The following NEK11 variants were observed in gnomAD, a reference collection of about 807,000 sequenced individuals.
The protein encoded by NEK11 is serine/threonine-protein kinase Nek11.
A neutral mutation model predicts 80.7 loss-of-function variants in NEK11; 72 were observed. The ratio of observed to expected loss-of-function variants is 0.89; its 90% CI spans 0.74 to 1.08. The LOEUF (loss-of-function observed/expected upper bound fraction) is 1.08, where lower values mean the gene tolerates loss of function less well. Among genes scored for constraint, NEK11 ranks in the 50% least tolerant of loss-of-function variants. The pLI is 0.00. For synonymous variants in NEK11, 251 were observed against 260.7 expected, an observed-to-expected ratio of 0.96 and a Z score of 0.36; for missense variants, 764 against 763.6, an observed-to-expected ratio of 1.00 and a Z score of -0.01.
At chr3:131,236,646 C>T (rs1487232668) in intron 15 of NEK11, among the ~76,000 whole-genome samples, 1 of 152,196 alleles carries the variant, frequency 6.6e-6, no homozygotes, top group Non-Finnish European at 1.5e-5. Flanking sequence ...CTTATGGGAG[C>T]TGTGGGGGCT....
intron 3 of NEK11, among the ~76,000 whole-genome samples, chr3:131,034,589 TG>T (rs1327861957): frequency 6.6e-6 from 1 of 152,120 alleles, no homozygotes; most frequent in African/African-American, 2.4e-5. Context: ...TTAGTAGAGA[TG>T]GGGTTTCACC....
chr3:131,280,757 C>T (rs2096383496), intron 17 of NEK11, among the ~76,000 whole-genome samples: 1 of 152,122 alleles, frequency 6.6e-6, no homozygotes, highest in Non-Finnish European at 1.5e-5. Flanking sequence ...TTCTGTATTC[C>T]AATAAATAGC....
At chr3:131,038,896 T>G (rs1251010930) in intron 3 of NEK11, among the ~76,000 whole-genome samples, 1 of 152,232 alleles carries the variant, frequency 6.6e-6, no homozygotes, top group African/African-American at 2.4e-5. Context: ...TGGCTAACAC[T>G]GAATGACATC....
At chr3:131,121,827 C>T (rs938080122) in intron 5 of NEK11, among the ~76,000 whole-genome samples, 3 of 152,184 alleles carry the variant, frequency 2.0e-5, no homozygotes, top group Non-Finnish European at 4.4e-5. Flanking sequence ...TTGCTAAGAC[C>T]ATTGGAAAAG....
chr3:131,066,933 C>G (rs2148875464), intron 3 of NEK11, among the ~76,000 whole-genome samples: 1 of 151,900 alleles, frequency 6.6e-6, no homozygotes, highest in South Asian at 2.1e-4. Context: ...TTAACAGACT[C>G]TGTGTCTTAA....
chr3:131,258,810 T>C (rs904817252), intron 16 of NEK11, among the ~76,000 whole-genome samples: 9 of 152,210 alleles, frequency 5.9e-5, no homozygotes, highest in Admixed American at 5.2e-4. Context: ...TCATATTTCC[T>C]ATAAGTAGCA....
At chr3:131,096,299 G>T (rs1003913522) in intron 4 of NEK11, among the ~76,000 whole-genome samples, 7 of 151,884 alleles carry the variant, frequency 4.6e-5, no homozygotes, top group African/African-American at 1.7e-4. Flanking sequence ...TTCCTGTATT[G>T]GTTTGCTTAG....
At chr3:131,135,540 G>A (rs1379504529) in intron 7 of NEK11, among the ~76,000 whole-genome samples, 2 of 152,106 alleles carry the variant, frequency 1.3e-5, no homozygotes, top group Admixed American at 1.3e-4. Flanking sequence ...AAAAGTGATA[G>A]GATTCCTACC....
intron 5 of NEK11, among the ~76,000 whole-genome samples, chr3:131,110,548 T>G (rs1433933463): frequency 1.3e-5 from 2 of 152,184 alleles, no homozygotes; most frequent in African/African-American, 4.8e-5. Context: ...AGGTCAAAAG[T>G]AAGAAGTTTT....
chr3:131,123,533 T>C (rs1421568487), intron 5 of NEK11, among the ~76,000 whole-genome samples: 1 of 152,184 alleles, frequency 6.6e-6, no homozygotes, highest in Admixed American at 6.5e-5. Flanking sequence ...AATTTATTGT[T>C]CCATTACCAC....
intron 17 of NEK11, among the ~76,000 whole-genome samples, chr3:131,302,059 T>C (rs1480647456): frequency 6.6e-6 from 1 of 152,114 alleles, no homozygotes; most frequent in African/African-American, 2.4e-5. Flanking sequence ...TTTTCAAGAG[T>C]TCATTTTCTT....
chr3:131,312,600 CACTT>C (rs1386748927), intron 17 of NEK11, among the ~76,000 whole-genome samples: 1 of 152,106 alleles, frequency 6.6e-6, no homozygotes, highest in Non-Finnish European at 1.5e-5. Context: ...CTTTAGAAGA[CACTT>C]AATATTTATT....
intron 5 of NEK11, among the ~76,000 whole-genome samples, chr3:131,131,574 AT>A (rs1339641522): frequency 1.3e-5 from 2 of 151,884 alleles, no homozygotes; most frequent in Non-Finnish European, 2.9e-5. Context: ...CCTCTCTTTC[AT>A]TTTTGATTTT....
At chr3:131,227,073 T>C (rs1462697760) in intron 14 of NEK11, among the ~76,000 whole-genome samples, 7 of 151,920 alleles carry the variant, frequency 4.6e-5, no homozygotes, top group Non-Finnish European at 7.4e-5. Flanking sequence ...ATACGCTGTG[T>C]TGAAATTGCT....
chr3:131,173,256 C>T (rs903957893), intron 14 of NEK11, among the ~76,000 whole-genome samples: 11 of 152,202 alleles, frequency 7.2e-5, no homozygotes, highest in South Asian at 2.1e-4. Flanking sequence ...ATTTCTTGTG[C>T]GAGGTCCAAG....
chr3:131,294,795 CT>C (rs2096576402), intron 17 of NEK11, among the ~76,000 whole-genome samples: 1 of 152,086 alleles, frequency 6.6e-6, no homozygotes, highest in African/African-American at 2.4e-5. Context: ...GTTTTGACTT[CT>C]TAGAGAATTG....
At chr3:131,159,991 T>A (rs1361883826) in intron 10 of NEK11, among the ~76,000 whole-genome samples, 1 of 152,106 alleles carries the variant, frequency 6.6e-6, no homozygotes, top group East Asian at 1.9e-4. Flanking sequence ...CAGAAATACA[T>A]TGCATAGAAA....
intron 16 of NEK11, among the ~76,000 whole-genome samples, chr3:131,250,999 A>G (rs1216609295): frequency 6.6e-6 from 1 of 151,970 alleles, no homozygotes; most frequent in African/African-American, 2.4e-5. Flanking sequence ...TGATGTAACT[A>G]TATTGGAAAG....
chr3:131,192,281 A>G (rs1232518311), intron 14 of NEK11, among the ~76,000 whole-genome samples: 2 of 152,218 alleles, frequency 1.3e-5, no homozygotes, highest in African/African-American at 4.8e-5. Context: ...AAAAAACAAA[A>G]TAACAAATGT....
Sources: gnomAD v4.1 joint callset for allele counts (sites outside exome capture counted in the v4.1 genomes callset) on GRCh38, gnomAD v4.1.1 for gene constraint, MANE v1.5 for transcripts, NCBI Gene and HGNC (gene_info 2026-07-23, HGNC 2026-07-21) for gene names.